The following HEPHL1 variants were observed in gnomAD, a reference collection of about 807,000 sequenced individuals.
HEPHL1 encodes the protein hephaestin like 1.
In HEPHL1, 123 loss-of-function variants were observed where a neutral mutation model predicts 122.0. The observed-to-expected ratio is 1.01, with a 90% confidence interval of 0.87 to 1.17. The LOEUF is 1.17. HEPHL1 is among the 50% of genes most tolerant of loss of function. The pLI, the probability that HEPHL1 is intolerant of heterozygous loss-of-function variation, is 0.00. For synonymous variants in HEPHL1, 527 were observed against 508.9 expected (o/e 1.04, Z -0.48); for missense variants, 1,452 against 1,430.5 (o/e 1.01, Z -0.24).
chr11:94,088,124 A>T (rs1253066665), intron 11 of HEPHL1, among the ~76,000 whole-genome samples: 1 of 152,112 alleles, frequency 6.6e-6, no homozygotes, highest in Non-Finnish European at 1.5e-5. Context: ...ATAATTTTTG[A>T]CAGACAGGAT....
chr11:94,100,157 C>T (rs528955324), intron 13 of HEPHL1, among the ~76,000 whole-genome samples: 4 of 152,214 alleles, frequency 2.6e-5, no homozygotes, highest in African/African-American at 9.6e-5. Flanking sequence ...TTGGAACTAC[C>T]CCCTAAGAAT....
intron 10 of HEPHL1, among the ~76,000 whole-genome samples, chr11:94,083,972 C>T (rs1446462507): frequency 1.3e-5 from 2 of 152,116 alleles, no homozygotes; most frequent in Non-Finnish European, 2.9e-5. Context: ...ACTGAATGAA[C>T]TACATCAAAT....
At position 94,114,088 on chromosome 11, in the gene HEPHL1, T is replaced by TC. The variant is rs1479699550; in HGVS notation, c.*2195dup. Among the ~76,000 whole-genome samples the TC allele has an allele frequency of 1.3e-5, 2 of 152,254 alleles. No individual in the cohort carries two copies. The highest frequency in any genetic ancestry group is 4.8e-5 in the African/African-American group (2 of 41,470). ...TTGGGTCTCATTGCTTCTTGCTTTCTCAAGACTTCATTCCCTTGGGTATCC... is the reference window on the plus strand; with the variant it reads ...TTGGGTCTCATTGCTTCTTGCTTTCTCCAAGACTTCATTCCCTTGGGTATCC... On this transcript the variant is annotated 3_prime_UTR_variant, in exon 20 of 20. Coordinates refer to ENST00000315765, the MANE Select transcript of HEPHL1 (RefSeq NM_001098672.2).
chr11:94,040,093 C>A (rs1945762740), intron 1 of HEPHL1, among the ~76,000 whole-genome samples: 1 of 69,320 alleles, frequency 1.4e-5, no homozygotes, highest in Non-Finnish European at 2.7e-5. Context: ...ACTACAAACA[C>A]CTCTACGCAA....
intron 2 of HEPHL1, among the ~76,000 whole-genome samples, chr11:94,053,129 T>G (rs1289456056): frequency 6.6e-6 from 1 of 152,148 alleles, no homozygotes; most frequent in Non-Finnish European, 1.5e-5. Flanking sequence ...CTTTAGTTAC[T>G]AATTCAATTT....
chr11:94,065,736 G>T (rs1390274229), intron 4 of HEPHL1, among the ~76,000 whole-genome samples: 3 of 152,174 alleles, frequency 2.0e-5, no homozygotes, highest in Non-Finnish European at 2.9e-5. Flanking sequence ...AAATGGGAGT[G>T]ATGATCTCAA....
chr11:94,096,724 A>C (rs538774131), intron 13 of HEPHL1, among the ~76,000 whole-genome samples: 2 of 152,150 alleles, frequency 1.3e-5, no homozygotes, highest in Non-Finnish European at 2.9e-5. Flanking sequence ...CAGTAATTCA[A>C]CTTCTTCCTG....
chr11:94,042,883 A>AACAAACAAAAAACAAAC lies in HEPHL1; in HGVS notation c.171-2789_171-2788insCAAACAAAAAACAAACA, dbSNP rs1555058777. ...TAAAACTTAAAGTATAATAAAAAAA[A>AACAAACAAAAAACAAAC]AAAAAAAAAACTGCATGAATTGCTC... On this transcript the variant is annotated intron_variant, in intron 1 of 19. Transcript: ENST00000315765. 7.9e-4 allele frequency among the ~76,000 whole-genome samples: 105 copies of AACAAACAAAAAACAAAC among 132,414 alleles called. 3 individuals are homozygous for AACAAACAAAAAACAAAC. Among genetic ancestry groups the AACAAACAAAAAACAAAC allele is most frequent in the African/African-American group, 2.8e-3 (100 of 35,504 alleles). 86.9% of individuals were successfully genotyped at this position (132,414 alleles called of 152,430 possible).
At chr11:94,094,766 T>G (rs1469971920) in intron 13 of HEPHL1, among the ~76,000 whole-genome samples, 4 of 152,240 alleles carry the variant, frequency 2.6e-5, no homozygotes, top group Non-Finnish European at 5.9e-5. Context: ...TGAGCATTTT[T>G]TCATGTGTCT....
chr11:94,085,204 A>C (rs1433538732), intron 10 of HEPHL1, among the ~76,000 whole-genome samples: 1 of 152,198 alleles, frequency 6.6e-6, no homozygotes, highest in African/African-American at 2.4e-5. Context: ...GCGGTTTCTA[A>C]ATTCTTGTCA....
At chr11:94,046,602 C>T (rs757147569) in intron 2 of HEPHL1, among the ~76,000 whole-genome samples, 35 of 149,594 alleles carry the variant, frequency 2.3e-4, no homozygotes, top group Non-Finnish European at 4.7e-4. Flanking sequence ...GCTGTGGGTA[C>T]ATTTTTATCA....
At chr11:94,044,778 T>G (rs1157977444) in intron 1 of HEPHL1, among the ~76,000 whole-genome samples, 1 of 151,852 alleles carries the variant, frequency 6.6e-6, no homozygotes, top group Non-Finnish European at 1.5e-5. Flanking sequence ...TTTTTTTTTT[T>G]TTGAGACAGG....
chr11:94,032,294 G>A (rs764449217), intron 1 of HEPHL1, among the ~76,000 whole-genome samples: 1 of 152,104 alleles, frequency 6.6e-6, no homozygotes. Context: ...TCCAGCCTCC[G>A]AGGCCAAGGC....
intron 5 of HEPHL1, 93 bp downstream of exon 5, chr11:94,067,843 G>A: frequency 2.7e-6 from 3 of 1,121,778 alleles, no homozygotes; most frequent in Non-Finnish European, 3.9e-6. Context: ...CTGTTAGATA[G>A]AGCCTTGTAT....
chr11:94,099,013 C>T (rs535701809), intron 13 of HEPHL1, among the ~76,000 whole-genome samples: 28 of 152,338 alleles, frequency 1.8e-4, no homozygotes, highest in African/African-American at 5.5e-4. Flanking sequence ...TCTCTCAACT[C>T]GTCAAAGTCA....
In HEPHL1 at chr11:94,111,872, C is replaced by A. The variant is rs377305299; in HGVS notation, c.3458C>A (p.Ala1153Asp). 2.8e-5 allele frequency: 42 copies of A among 1,523,470 alleles called. No homozygotes were observed. Among genetic ancestry groups the A allele is most frequent in the Non-Finnish European group, 3.6e-5 (41 of 1,137,422 alleles). 94.4% of individuals were successfully genotyped at this position (1,523,470 alleles called of 1,614,324 possible). The change falls in exon 20 of 20, where the codon GCT (alanine) becomes GAT (aspartate). Residue 1153 changes from alanine (A) to aspartate (D), a missense_variant. Ala to Asp is a moderately radical substitution (Grantham distance 126). Coordinates refer to ENST00000315765, the MANE Select transcript of HEPHL1 (RefSeq NM_001098672.2). ...GATTACCAGCAAGTCCAGTCCTGTG[C>A]TCTCCCCACGGATGCTCTGTGAACC... is the stretch of plus-strand genomic sequence containing the variant. ...QTDYQQVQSCALPTDAL is the reference protein window; with the variant it reads ...QTDYQQVQSCDLPTDAL
rs758564173 is a variant in HEPHL1 at position 94,101,349 on chromosome 11, G to T, written c.2575+14G>T. 1 of 1,609,950 alleles carries T rather than the reference G, an allele frequency of 6.2e-7. No homozygotes were observed. The highest frequency in any genetic ancestry group is 1.1e-5 in the South Asian group (1 of 90,910). On this transcript the variant is annotated intron_variant, in intron 14 of 19. Transcript: ENST00000315765. The stretch of plus-strand genomic sequence containing the variant: ...TGACAAAACCAGGTAAGTTGTGTCA[G>T]AGGTCTGCTCCATCTTGAAGAAGAA...
At chr11:94,095,764 T>G (rs896053296) in intron 13 of HEPHL1, among the ~76,000 whole-genome samples, 5 of 152,190 alleles carry the variant, frequency 3.3e-5, no homozygotes, top group Admixed American at 3.3e-4. Context: ...GATTCCTAGG[T>G]ATTTTATTGT....
rs1202209865 is a variant in HEPHL1, at chr11:94,070,379, A to G, written c.1069A>G (p.Met357Val). The G allele has an allele frequency of 1.3e-6, 2 of 1,591,260 alleles. No individual in the cohort carries two copies. Among genetic ancestry groups the G allele is most frequent in the Non-Finnish European group, 1.7e-6 (2 of 1,167,586 alleles). ...GGTTTTCCTCTGTTCTGCAGCTGGTATGCTGGGGCAATACAATGTTGATAA... is the reference window on the plus strand; with the variant it reads ...GGTTTTCCTCTGTTCTGCAGCTGGTGTGCTGGGGCAATACAATGTTGATAA... Reference protein sequence around the residue: ...CQVSDHLQAGMLGQYNVDNCK... With the variant: ...CQVSDHLQAGVLGQYNVDNCK... Residue 357 changes from methionine to valine, a missense_variant, in exon 6 of 20, where the codon ATG becomes GTG. Physicochemically the swap from Met to Val is conservative, Grantham distance 21 (BLOSUM62 1). Transcript: ENST00000315765.
Sources: allele counts gnomAD v4.1 joint callset (sites outside exome capture counted in the v4.1 genomes callset), GRCh38; gene constraint gnomAD v4.1.1; transcripts MANE v1.5; gene names NCBI Gene and HGNC (gene_info 2026-07-23, HGNC 2026-07-21).